The following PHF3 variants were observed in gnomAD, a reference collection of about 807,000 sequenced individuals.
PHF3 encodes PHD finger protein 3.
In PHF3, 41 loss-of-function variants were observed where a neutral mutation model predicts 178.4. The observed-to-expected ratio is 0.23, with a 90% CI of 0.18 to 0.30. The LOEUF is 0.30. PHF3 is among the 10% of genes least tolerant of loss of function. PHF3 has a pLI of 1.00. For missense variants in PHF3, 2,346 were observed against 2,398.1 expected (o/e 0.98, Z 0.45); for synonymous variants, 842 against 800.5 (o/e 1.05, Z -0.88).
chr6:63,712,043 G>A lies in PHF3; in HGVS notation c.4455G>A (p.Gln1485=), dbSNP rs80099131. 2 of 1,613,772 alleles carry A rather than the reference G, an allele frequency of 1.2e-6. No homozygotes were observed. Among genetic ancestry groups the A allele is most frequent in the Non-Finnish European group, 1.7e-6 (2 of 1,179,932 alleles). ...GTTGQVYDQA[Q]SVMEQNTVKE... is the part of the protein sequence containing the mutation. ...CTGGTCAAGTATATGACCAGGCCCA[G>A]TCAGTGATGGAACAAAACACTGTTA... The change falls in exon 16 of 16, where the codon CAG becomes CAA. Residue 1485 remains glutamine, a synonymous_variant. Transcript: ENST00000262043.
chr6:63,671,616 AAT>A (rs1188740697), intron 2 of PHF3, among the ~76,000 whole-genome samples: 1 of 152,230 alleles, frequency 6.6e-6, no homozygotes, highest in African/African-American at 2.4e-5. Flanking sequence ...CAAGCAGAGA[AAT>A]AGCAAATGAA....
At position 63,694,595 on chromosome 6, in the gene PHF3, C is replaced by A; in HGVS notation, c.2511C>A (p.Gly837=). The A allele has an allele frequency of 2.0e-6, 3 of 1,516,394 alleles. No homozygotes were observed. The highest frequency in any genetic ancestry group is 1.8e-6 in the Non-Finnish European group (2 of 1,131,314). The allele number at this position is 1,516,394 out of a possible 1,614,324, so 93.9% of individuals were successfully genotyped here. The change falls in exon 6 of 16, where the codon GGC becomes GGA. Residue 837 remains glycine (G), a synonymous_variant. Coordinates refer to ENST00000262043, the MANE Select transcript of PHF3 (RefSeq NM_001370348.2). ...VKILKRESGE[G]RNSSDCRDNE... is the part of the protein sequence containing the mutation. ...TCATTTTCCAGGAGTCTGGTGAAGGCAGAAATTCATCAGACTGTAGAGATA... is the reference window on the plus strand; with the variant it reads ...TCATTTTCCAGGAGTCTGGTGAAGGAAGAAATTCATCAGACTGTAGAGATA...
intron 2 of PHF3, among the ~76,000 whole-genome samples, chr6:63,679,259 A>G (rs1766319057): frequency 1.3e-5 from 2 of 152,132 alleles, no homozygotes; most frequent in Admixed American, 1.3e-4. Flanking sequence ...AAACCTAATG[A>G]CAATATGAGT....
intron 1 of PHF3, chr6:63,636,810 C>G (rs1303626468): frequency 4.6e-5 from 7 of 152,084 alleles, no homozygotes; most frequent in Non-Finnish European, 1.0e-4. Context: ...TTTAATGAAC[C>G]ACTTGTCGAT....
chr6:63,685,311 G>A lies in PHF3; in HGVS notation c.1589G>A (p.Arg530Gln), dbSNP rs748364798. The A allele has an allele frequency of 1.9e-5, 31 of 1,613,768 alleles. No individual in the cohort carries two copies. The highest frequency in any genetic ancestry group is 2.4e-5 in the Non-Finnish European group (28 of 1,179,956). The part of the protein sequence containing the change: ...KTKVNVKSVK[R>Q]NTDVPESQQN... ...AAAGTTAATGTCAAAAGTGTGAAAC[G>A]AAATACTGATGTACCAGAATCTCAG... Residue 530 changes from arginine (R) to glutamine (Q), a missense_variant, in exon 4 of 16, where the codon CGA becomes CAA. Transcript: ENST00000262043.
intron 1 of PHF3, 59 bp from the exon 2 acceptor site, chr6:63,646,468 T>G (rs1561938222): frequency 1.7e-6 from 2 of 1,157,942 alleles, no homozygotes; most frequent in Non-Finnish European, 2.4e-6. Context: ...TAATTTGGTA[T>G]TAGGTGATTT....
rs1467764888 is a variant in PHF3 at position 63,684,682 on chromosome 6, A to G, written c.960A>G (p.Gln320=). The G allele has an allele frequency of 1.2e-6, 2 of 1,613,724 alleles. No individual in the cohort carries two copies. Among genetic ancestry groups the G allele is most frequent in the Non-Finnish European group, 1.7e-6 (2 of 1,179,898 alleles). ...EEMIATRKVE[Q]DSKETVKLSH... is the part of the protein sequence containing the mutation. ...TGATAGCAACAAGAAAAGTTGAACA[A>G]GATTCAAAGGAGACAGTAAAATTAT... Residue 320 remains glutamine (Q), a synonymous_variant, in exon 4 of 16, where the codon CAA becomes CAG. Coordinates refer to ENST00000262043, the MANE Select transcript of PHF3 (RefSeq NM_001370348.2).
chr6:63,697,936 A>G (rs1454020051), intron 6 of PHF3, among the ~76,000 whole-genome samples: 6 of 152,222 alleles, frequency 3.9e-5, no homozygotes. Flanking sequence ...TAATAAGTTC[A>G]GATCAAAATT....
At chr6:63,662,201 C>T (rs756098779) in intron 2 of PHF3, among the ~76,000 whole-genome samples, 16 of 152,042 alleles carry the variant, frequency 1.1e-4, no homozygotes, top group South Asian at 4.1e-4. Flanking sequence ...AAACTGGTCC[C>T]GGGTGCCAAA....
At position 63,713,728 on chromosome 6, in the gene PHF3, G is replaced by T; in HGVS notation, c.*20G>T. ...AGGTAAAATTTGCAGGCTGCTTCAGGATTACATTTAAATAACTGTTAAAAT... is the reference window on the plus strand; with the variant it reads ...AGGTAAAATTTGCAGGCTGCTTCAGTATTACATTTAAATAACTGTTAAAAT... On this transcript the variant is annotated 3_prime_UTR_variant, in exon 16 of 16. Transcript: ENST00000262043. 6.6e-7 allele frequency: 1 copy of T among 1,516,180 alleles called. No homozygotes were observed. Among genetic ancestry groups the T allele is most frequent in the East Asian group, 2.3e-5 (1 of 43,284 alleles). 93.9% of individuals were successfully genotyped at this position (1,516,180 alleles called of 1,614,324 possible). A position where few individuals can be genotyped will look rare whatever the true frequency, so the allele number is the denominator to read the frequency against.
At position 63,720,708 on chromosome 6, in the gene PHF3, A is replaced by T. The variant is rs956567899; in HGVS notation, c.*7000A>T. ...TACAACATCTTTAATTTTGCCAACAAAATTGGTTTTAAAAATCTCTTGAGT... is the reference window on the plus strand; with the variant it reads ...TACAACATCTTTAATTTTGCCAACATAATTGGTTTTAAAAATCTCTTGAGT... On this transcript the variant is annotated 3_prime_UTR_variant, in exon 16 of 16. Coordinates refer to ENST00000262043, the MANE Select transcript of PHF3 (RefSeq NM_001370348.2). 4 of 1,548,756 alleles carry T rather than the reference A, an allele frequency of 2.6e-6. No homozygotes were observed. In the African/African-American group the frequency reaches 5.5e-5, roughly 21 times the overall value.
chr6:63,708,127 A>G (rs889168554), intron 13 of PHF3, among the ~76,000 whole-genome samples: 2 of 152,134 alleles, frequency 1.3e-5, no homozygotes, highest in East Asian at 1.9e-4. Flanking sequence ...TCTGCCTCCC[A>G]GAATACTGGG....
Position 63,687,483 on chromosome 6 carries a change from G to T in PHF3, c.2189+1572G>T, listed in dbSNP as rs749411088. On this transcript the variant is annotated intron_variant, in intron 4 of 15. Transcript: ENST00000262043. The stretch of plus-strand genomic sequence containing the variant: ...GGGCCTGCTGTTTTCAGGCAAAAGA[G>T]AATTAAGAGTTAGGTGGTGCTTTTA... Among the ~76,000 whole-genome samples the T allele has an allele frequency of 2.0e-5, 3 of 152,324 alleles. No individual in the cohort carries two copies. In the East Asian group the frequency reaches 5.8e-4, roughly 29 times the overall value.
intron 2 of PHF3, among the ~76,000 whole-genome samples, chr6:63,662,613 A>G (rs1765516018): frequency 6.6e-6 from 1 of 152,150 alleles, no homozygotes; most frequent in South Asian, 2.1e-4. Context: ...ATCTGGATCT[A>G]CTGGTATTGG....
intron 1 of PHF3, among the ~76,000 whole-genome samples, chr6:63,645,674 TCA>T (rs368737344): frequency 6.6e-5 from 10 of 152,302 alleles, no homozygotes; most frequent in African/African-American, 2.4e-4. Flanking sequence ...CAGTTTTCTC[TCA>T]AACTGATTTA....
intron 2 of PHF3, among the ~76,000 whole-genome samples, chr6:63,668,419 G>C (rs1016018804): frequency 1.3e-5 from 2 of 151,876 alleles, no homozygotes; most frequent in Admixed American, 1.3e-4. Flanking sequence ...CTACAGCCTC[G>C]ACCTCCTGGG....
rs1582138839 is a variant in PHF3 at position 63,720,394 on chromosome 6, T to C, written c.*6686T>C. 8 of 502,916 alleles carry C rather than the reference T, an allele frequency of 1.6e-5. No individual in the cohort carries two copies. The South Asian group carries it at 2.8e-4, about 17-fold the overall frequency. 31.2% of individuals were successfully genotyped at this position (502,916 alleles called of 1,614,324 possible). Reference sequence around the variant, plus strand: ...AATGGAGTTAAAACATGAATCAAAATATATACAGATAAATTAGATGTAGGA... The same window carrying C: ...AATGGAGTTAAAACATGAATCAAAACATATACAGATAAATTAGATGTAGGA... On this transcript the variant is annotated 3_prime_UTR_variant, in exon 16 of 16. Coordinates refer to ENST00000262043, the MANE Select transcript of PHF3 (RefSeq NM_001370348.2).
In PHF3 at chr6:63,724,348, A is replaced by G. The variant is rs1768531796; in HGVS notation, c.*10640A>G. Among the ~76,000 whole-genome samples the G allele has an allele frequency of 6.6e-6, 1 of 152,224 alleles. No homozygotes were observed. Among genetic ancestry groups the G allele is most frequent in the African/African-American group, 2.4e-5 (1 of 41,464 alleles). ...ATATTTGTGAAGAGACTACAGAATC[A>G]GCATATCAGGGGAATTGTATATACA... On this transcript the variant is annotated 3_prime_UTR_variant, in exon 16 of 16. Coordinates refer to ENST00000262043, the MANE Select transcript of PHF3 (RefSeq NM_001370348.2).
rs1768430538 is a variant in PHF3, at chr6:63,722,297, C to T, written c.*8589C>T. 1.3e-5 allele frequency among the ~76,000 whole-genome samples: 2 copies of T among 152,114 alleles called. No homozygotes were observed. Among genetic ancestry groups the T allele is most frequent in the Admixed American group, 6.6e-5 (1 of 15,262 alleles). ...GTTTTCTAGGAACACTCCGCCACCC[C>T]ATTCCACCTCAACTAGATAACTCCT... On this transcript the variant is annotated 3_prime_UTR_variant, in exon 16 of 16. Coordinates refer to ENST00000262043, the MANE Select transcript of PHF3 (RefSeq NM_001370348.2).
Sources: gnomAD v4.1 joint callset for allele counts (sites outside exome capture counted in the v4.1 genomes callset) on GRCh38, gnomAD v4.1.1 for gene constraint, MANE v1.5 for transcripts, NCBI Gene and HGNC (gene_info 2026-07-23, HGNC 2026-07-21) for gene names.